TOX2: variants seen among roughly 807,000 people sequenced by gnomAD.
TOX2 encodes the protein granulosa cell HMG box 1.
A neutral mutation model predicts 47.4 loss-of-function variants in TOX2; 15 were observed. The observed-to-expected ratio is 0.32, with a 90% CI of 0.21 to 0.49. The LOEUF is 0.49. Among genes scored for constraint, TOX2 ranks in the 20% least tolerant of loss-of-function variants. TOX2 has a pLI of 0.99. For missense variants in TOX2, 622 were observed against 673.1 expected (o/e 0.92, Z 0.84); for synonymous variants, 290 against 296.6 (o/e 0.98, Z 0.23).
chr20:44,068,156 G>A (rs1332598955), intron 8 of TOX2, among the ~76,000 whole-genome samples: 2 of 152,056 alleles, frequency 1.3e-5, no homozygotes, highest in Non-Finnish European at 2.9e-5. Flanking sequence ...GCCCTTTCCT[G>A]TCCCTAAGTT....
intron 7 of TOX2, 24 bp downstream of exon 7, chr20:44,066,131 C>T (rs2071817241): frequency 1.3e-6 from 2 of 1,505,710 alleles, no homozygotes; most frequent in Non-Finnish European, 1.8e-6. Flanking sequence ...AGCAGAACAG[C>T]CCTTCTGTGA....
chr20:43,932,434 G>A (rs1346853312), intron 1 of TOX2, among the ~76,000 whole-genome samples: 1 of 152,194 alleles, frequency 6.6e-6, no homozygotes, highest in Admixed American at 6.5e-5. Flanking sequence ...CTGTTTAAAT[G>A]CCTTCGGTAA....
intron 2 of TOX2, among the ~76,000 whole-genome samples, chr20:43,996,647 TC>T (rs2070485881): frequency 6.6e-6 from 1 of 152,120 alleles, no homozygotes; most frequent in Admixed American, 6.5e-5. Context: ...GCTTTTTTTT[TC>T]TTGCTTGGGT....
chr20:44,032,137 G>A (rs1463091147), intron 3 of TOX2, among the ~76,000 whole-genome samples: 1 of 152,146 alleles, frequency 6.6e-6, no homozygotes, highest in Non-Finnish European at 1.5e-5. Flanking sequence ...AAGGCCTTCT[G>A]ATAAAACTGT....
chr20:43,998,015 A>G (rs1355916717), intron 2 of TOX2, among the ~76,000 whole-genome samples: 1 of 152,184 alleles, frequency 6.6e-6, no homozygotes, highest in African/African-American at 2.4e-5. Flanking sequence ...AAGAGGTTTA[A>G]TTGATTCACA....
At chr20:44,049,048 C>T (rs1384507778) in intron 3 of TOX2, among the ~76,000 whole-genome samples, 1 of 152,236 alleles carries the variant, frequency 6.6e-6, no homozygotes, top group East Asian at 1.9e-4. Context: ...GCAGAGGTTG[C>T]AGTGAGCCAA....
chr20:44,028,705 T>C (rs2071103097), intron 3 of TOX2, among the ~76,000 whole-genome samples: 1 of 152,198 alleles, frequency 6.6e-6, no homozygotes. Flanking sequence ...AAAGGTTCCC[T>C]GCCAGATTCT....
chr20:43,955,988 T>G (rs2145409853), intron 1 of TOX2, among the ~76,000 whole-genome samples: 1 of 151,918 alleles, frequency 6.6e-6, no homozygotes, highest in South Asian at 2.1e-4. Flanking sequence ...TGCTTGCCTT[T>G]CTGTCTTATC....
At chr20:43,988,640 G>T (rs572840823) in intron 2 of TOX2, among the ~76,000 whole-genome samples, 2 of 152,328 alleles carry the variant, frequency 1.3e-5, no homozygotes, top group South Asian at 4.1e-4. Context: ...TGTGGGTTTC[G>T]TGGGGGCAGG....
chr20:44,046,451 A>C (rs2071409387), intron 3 of TOX2, among the ~76,000 whole-genome samples: 1 of 152,236 alleles, frequency 6.6e-6, no homozygotes, highest in Admixed American at 6.5e-5. Flanking sequence ...GGCAATTGGA[A>C]TTCTGGATGT....
intron 1 of TOX2, among the ~76,000 whole-genome samples, chr20:43,950,148 A>T (rs2069536237): frequency 6.6e-6 from 1 of 152,164 alleles, no homozygotes; most frequent in Non-Finnish European, 1.5e-5. Context: ...AACCCCTCAC[A>T]TCTGCTCTGA....
chr20:43,935,967 C>T (rs977983322), intron 1 of TOX2, among the ~76,000 whole-genome samples: 3 of 146,816 alleles, frequency 2.0e-5, no homozygotes, highest in African/African-American at 7.5e-5. Flanking sequence ...CAGAGTGGAT[C>T]GTGAACCTGA....
intron 1 of TOX2, among the ~76,000 whole-genome samples, chr20:43,943,446 C>T (rs571885897): frequency 6.6e-5 from 10 of 152,294 alleles, no homozygotes; most frequent in Admixed American, 2.6e-4. Context: ...CTCCAAATCT[C>T]GGCTTGACTG....
chr20:44,058,919 C>G (rs1264274162), intron 5 of TOX2, among the ~76,000 whole-genome samples: 3 of 152,176 alleles, frequency 2.0e-5, no homozygotes, highest in South Asian at 4.1e-4. Flanking sequence ...ATAGTTTACC[C>G]AAATGGGAAG....
chr20:43,920,273 G>A (rs149044208), intron 1 of TOX2, among the ~76,000 whole-genome samples: 9 of 152,352 alleles, frequency 5.9e-5, no homozygotes, highest in Non-Finnish European at 1.2e-4. Flanking sequence ...GTAAGGATGA[G>A]ATCTGGACAA....
intron 3 of TOX2, among the ~76,000 whole-genome samples, chr20:44,008,865 C>A (rs894000201): frequency 6.6e-6 from 1 of 152,224 alleles, no homozygotes; most frequent in Non-Finnish European, 1.5e-5. Flanking sequence ...AGGAACCCCA[C>A]CAGTGTCACA....
At chr20:43,946,974 C>T (rs6031253) in intron 1 of TOX2, among the ~76,000 whole-genome samples, 2,539 of 152,296 alleles carry the variant, frequency 0.017, 77 homozygotes, top group African/African-American at 0.058. Context: ...GTCCGCTTTC[C>T]GTCATTTGGA....
chr20:44,003,937 G>T (rs915597681), intron 2 of TOX2, among the ~76,000 whole-genome samples: 3 of 152,208 alleles, frequency 2.0e-5, no homozygotes, highest in Admixed American at 2.0e-4. Context: ...ATCGTGTGAT[G>T]ATCATCTTGA....
chr20:43,941,331 T>C (rs1315216855), intron 1 of TOX2, among the ~76,000 whole-genome samples: 1 of 151,824 alleles, frequency 6.6e-6, no homozygotes, highest in Non-Finnish European at 1.5e-5. Context: ...GCCTTTTTTT[T>C]TTTTTTTGAG....
Sources: gnomAD v4.1 joint callset for allele counts (sites outside exome capture counted in the v4.1 genomes callset) on GRCh38, gnomAD v4.1.1 for gene constraint, MANE v1.5 for transcripts, NCBI Gene and HGNC (gene_info 2026-07-23, HGNC 2026-07-21) for gene names.